AGMO: variants seen among roughly 807,000 people sequenced by gnomAD.
AGMO encodes alkylglycerol monooxygenase, also known as glyceryl-ether monooxygenase.
A neutral mutation model predicts 60.2 loss-of-function variants in AGMO; 75 were observed. The observed-to-expected ratio is 1.25, with a 90% confidence interval of 1.03 to 1.51. The LOEUF is 1.51. AGMO is among the 40% of genes most tolerant of loss of function. AGMO has a pLI of 0.00. For synonymous variants in AGMO, 261 were observed against 177.1 expected (o/e 1.47, Z -3.76); for missense variants, 763 against 525.5 (o/e 1.45, Z -4.42).
intron 3 of AGMO, among the ~76,000 whole-genome samples, chr7:15,518,978 T>A (rs1783903313): frequency 6.6e-6 from 1 of 150,690 alleles, no homozygotes; most frequent in African/African-American, 2.4e-5. Flanking sequence ...ACAGAAATGA[T>A]CTAATGGAGC....
chr7:15,166,517 A>G, the AGMO span, among the ~76,000 whole-genome samples: 133 of 152,276 alleles, frequency 8.7e-4, 2 homozygotes, highest in African/African-American at 3.1e-3. Context: ...TCTCAGCAAA[A>G]TGCTGAGCTG....
chr7:15,406,618 C>T (rs1394799089), intron 5 of AGMO, among the ~76,000 whole-genome samples: 1 of 54,170 alleles, frequency 1.8e-5, no homozygotes, highest in Non-Finnish European at 3.4e-5. Context: ...CACATGTACA[C>T]ATGTGTGTAT....
chr7:15,554,586 TCTAA>T (rs1432676414), intron 2 of AGMO, among the ~76,000 whole-genome samples: 2 of 152,098 alleles, frequency 1.3e-5, no homozygotes, highest in Non-Finnish European at 2.9e-5. Flanking sequence ...AGCTTACTTC[TCTAA>T]CTAGTGAACT....
At chr7:15,424,645 T>C (rs1347973335) in intron 4 of AGMO, among the ~76,000 whole-genome samples, 1 of 152,228 alleles carries the variant, frequency 6.6e-6, no homozygotes, top group Non-Finnish European at 1.5e-5. Flanking sequence ...CTAGCAATGA[T>C]TCAAACTATC....
chr7:15,392,362 T>G (rs1467210818), intron 6 of AGMO, among the ~76,000 whole-genome samples: 1 of 151,754 alleles, frequency 6.6e-6, no homozygotes, highest in African/African-American at 2.4e-5. Context: ...TGAGTCAACA[T>G]GCCCGGCCCT....
At chr7:15,377,780 T>C (rs1783511545) in intron 10 of AGMO, among the ~76,000 whole-genome samples, 1 of 152,028 alleles carries the variant, frequency 6.6e-6, no homozygotes, top group Admixed American at 6.6e-5. Flanking sequence ...GGAGAACATA[T>C]TAAGTTAATA....
the AGMO span, among the ~76,000 whole-genome samples, chr7:15,191,154 T>A: frequency 6.6e-6 from 1 of 152,148 alleles, no homozygotes; most frequent in Admixed American, 6.5e-5. Context: ...TTACATAAAA[T>A]TTCTATTTTA....
chr7:15,216,841 T>G (rs1334398220), intron 12 of AGMO, among the ~76,000 whole-genome samples: 1 of 151,160 alleles, frequency 6.6e-6, no homozygotes, highest in African/African-American at 2.4e-5. Flanking sequence ...AAAGTGTGTG[T>G]GTGTGTGTGT....
At chr7:15,162,939 G>A in the AGMO span, among the ~76,000 whole-genome samples, 4 of 151,986 alleles carry the variant, frequency 2.6e-5, no homozygotes, top group Non-Finnish European at 5.9e-5. Flanking sequence ...GTTGACTCTT[G>A]TAATGCATTA....
At chr7:15,408,484 C>A (rs1011241386) in intron 5 of AGMO, among the ~76,000 whole-genome samples, 3 of 151,654 alleles carry the variant, frequency 2.0e-5, no homozygotes, top group Non-Finnish European at 1.5e-5. Context: ...GAAAGGCAAG[C>A]GGTATTAACG....
At chr7:15,258,150 C>G (rs75347771) in intron 12 of AGMO, among the ~76,000 whole-genome samples, 2,827 of 152,248 alleles carry the variant, frequency 0.019, 46 homozygotes, top group Middle Eastern at 0.037. Flanking sequence ...TTCATAACAG[C>G]TAAGCTATCA....
intron 12 of AGMO, among the ~76,000 whole-genome samples, chr7:15,218,825 A>G (rs1344717064): frequency 1.3e-5 from 2 of 152,140 alleles, no homozygotes; most frequent in Non-Finnish European, 2.9e-5. Context: ...CTTTTGGTAG[A>G]AAAGACAGGC....
At chr7:15,328,269 G>A (rs373688247) in intron 12 of AGMO, among the ~76,000 whole-genome samples, 45 of 152,016 alleles carry the variant, frequency 3.0e-4, no homozygotes, top group African/African-American at 1.0e-3. Flanking sequence ...GGCTAGTTTT[G>A]TATTTTTAGT....
At chr7:15,485,394 A>T (rs1782889820) in intron 3 of AGMO, among the ~76,000 whole-genome samples, 1 of 152,150 alleles carries the variant, frequency 6.6e-6, no homozygotes, top group South Asian at 2.1e-4. Flanking sequence ...AGAGAGATAC[A>T]AAAGTGATTG....
chr7:15,188,757 C>T, the AGMO span, among the ~76,000 whole-genome samples: 1 of 75,828 alleles, frequency 1.3e-5, no homozygotes, highest in Admixed American at 1.7e-4. Flanking sequence ...GTAATACAGT[C>T]TTTCAAAGAC....
chr7:15,345,656 GT>G (rs1782006848), intron 12 of AGMO, among the ~76,000 whole-genome samples: 1 of 152,132 alleles, frequency 6.6e-6, no homozygotes, highest in South Asian at 2.1e-4. Context: ...GTTGTTAGCA[GT>G]TTTTAAATAT....
chr7:15,401,220 C>T (rs1375417156), intron 5 of AGMO, among the ~76,000 whole-genome samples: 1 of 152,088 alleles, frequency 6.6e-6, no homozygotes, highest in East Asian at 1.9e-4. Flanking sequence ...TTCTACAAAG[C>T]ATCAAAATAA....
the AGMO span, among the ~76,000 whole-genome samples, chr7:15,151,625 T>C: frequency 6.6e-6 from 1 of 152,164 alleles, no homozygotes; most frequent in African/African-American, 2.4e-5. Context: ...TTGAGAAATA[T>C]TCCTGGTGTT....
intron 12 of AGMO, among the ~76,000 whole-genome samples, chr7:15,207,293 C>T (rs539116973): frequency 1.3e-5 from 2 of 152,240 alleles, no homozygotes; most frequent in South Asian, 2.1e-4. Flanking sequence ...AAAATAGATG[C>T]TACCTTTCTC....
Sources: allele counts gnomAD v4.1 joint callset (sites outside exome capture counted in the v4.1 genomes callset), GRCh38; gene constraint gnomAD v4.1.1; transcripts MANE v1.5; gene names NCBI Gene and HGNC (gene_info 2026-07-23, HGNC 2026-07-21).